GALNT14: variants seen among roughly 807,000 people sequenced by gnomAD.
GALNT14 encodes the protein polypeptide N-acetylgalactosaminyltransferase 14, also known as UDP-GalNAc:polypeptide N-acetylgalactosaminyltransferase 14.
In GALNT14, 60 loss-of-function variants were observed where a neutral mutation model predicts 77.5. That is an observed-to-expected ratio of 0.77 (90% CI 0.63 to 0.96). The LOEUF (loss-of-function observed/expected upper bound fraction) is 0.96, where lower values mean the gene tolerates loss of function less well. Ranked by LOEUF, GALNT14 falls within the 40% of genes least tolerant of loss-of-function variation. The pLI, the probability that GALNT14 is intolerant of heterozygous loss-of-function variation, is 0.00. For missense variants in GALNT14, 710 were observed against 731.0 expected, an observed-to-expected ratio of 0.97 and a Z score of 0.33; for synonymous variants, 280 against 281.7, an observed-to-expected ratio of 0.99 and a Z score of 0.06.
At chr2:30,982,985 T>C (rs138902583) in intron 2 of GALNT14, among the ~76,000 whole-genome samples, 4 of 152,268 alleles carry the variant, frequency 2.6e-5, no homozygotes, top group East Asian at 3.9e-4. Context: ...GTGTTCCCCA[T>C]AACACTGAGG....
At chr2:31,099,746 T>C (rs1677173411) in intron 1 of GALNT14, among the ~76,000 whole-genome samples, 1 of 152,060 alleles carries the variant, frequency 6.6e-6, no homozygotes, top group Admixed American at 6.6e-5. Context: ...TGGTTCCTTT[T>C]AACTATGTGT....
the GALNT14 span, among the ~76,000 whole-genome samples, chr2:30,893,734 C>T: frequency 6.6e-6 from 1 of 150,870 alleles, no homozygotes; most frequent in Non-Finnish European, 1.5e-5. Context: ...TAGGGGATTT[C>T]TATATGTAAG....
intron 2 of GALNT14, among the ~76,000 whole-genome samples, chr2:30,981,691 A>G (rs955455661): frequency 3.2e-4 from 49 of 152,172 alleles, no homozygotes; most frequent in African/African-American, 1.2e-3. Context: ...GGAGGGCTTC[A>G]TGTTTCTGGA....
chr2:31,108,504 A>T (rs1213194162), intron 1 of GALNT14, among the ~76,000 whole-genome samples: 2 of 152,152 alleles, frequency 1.3e-5, no homozygotes, highest in Non-Finnish European at 2.9e-5. Flanking sequence ...GGCAAACACA[A>T]GGGTTTGTTC....
intron 1 of GALNT14, among the ~76,000 whole-genome samples, chr2:31,128,045 A>G (rs1678782514): frequency 6.6e-6 from 1 of 152,296 alleles, no homozygotes; most frequent in African/African-American, 2.4e-5. Flanking sequence ...CCATGTCACA[A>G]AAACACCACC....
Position 31,138,393 on chromosome 2 carries a change from T to TGCCGCGGCCGCCGCCGCCGCC in GALNT14, c.-308_-307insGGCGGCGGCGGCGGCCGCGGC, listed in dbSNP as rs1679328501. The TGCCGCGGCCGCCGCCGCCGCC allele has an allele frequency of 5.9e-6, 2 of 337,754 alleles. No homozygotes were observed. The highest frequency in any genetic ancestry group is 4.4e-5 in the African/African-American group (2 of 45,060). The allele number at this position is 337,754 out of a possible 1,614,324, so 20.9% of individuals were successfully genotyped here. ...ATGTTCCCCACGCCGCCACCGCGGC[T>TGCCGCGGCCGCCGCCGCCGCC]GCCGCCGCCGCCGCCGCCGCCTTGC... On this transcript the variant is annotated 5_prime_UTR_variant, in exon 1 of 15. Transcript: ENST00000349752.
At chr2:31,128,909 C>A (rs979116016) in intron 1 of GALNT14, among the ~76,000 whole-genome samples, 2 of 151,776 alleles carry the variant, frequency 1.3e-5, no homozygotes, top group Non-Finnish European at 2.9e-5. Flanking sequence ...CAGAGACAAG[C>A]TCTGTATTTC....
rs771306230 is a variant in GALNT14, at chr2:30,924,830, G to A, written c.1152-7C>T. 3.1e-6 allele frequency: 5 copies of A among 1,612,466 alleles called. No homozygotes were observed. Among genetic ancestry groups the A allele is most frequent in the African/African-American group, 1.3e-5 (1 of 74,856 alleles). Reference sequence around the variant, plus strand: ...GTCCAATCTGCTCTCAACACTGGGGGCAACGGGGTTGTGGACAGACACAAA... The same window carrying A: ...GTCCAATCTGCTCTCAACACTGGGGACAACGGGGTTGTGGACAGACACAAA... On this transcript the variant is annotated splice_polypyrimidine_tract_variant and splice_region_variant and intron_variant, in intron 11 of 14. Coordinates refer to ENST00000349752, the MANE Select transcript of GALNT14 (RefSeq NM_024572.4).
At chr2:31,064,938 G>A (rs939115051) in intron 1 of GALNT14, among the ~76,000 whole-genome samples, 8 of 138,484 alleles carry the variant, frequency 5.8e-5, no homozygotes, top group East Asian at 2.2e-4. Context: ...AAAACTCTTC[G>A]CACGTTTAAA....
intron 13 of GALNT14, among the ~76,000 whole-genome samples, chr2:30,921,087 A>T (rs1212900951): frequency 1.3e-5 from 2 of 152,226 alleles, no homozygotes; most frequent in South Asian, 2.1e-4. Context: ...ACATGACAGG[A>T]AGGTCAGCTG....
chr2:30,980,971 G>C (rs1361028845), intron 2 of GALNT14, among the ~76,000 whole-genome samples: 1 of 152,224 alleles, frequency 6.6e-6, no homozygotes, highest in African/African-American at 2.4e-5. Flanking sequence ...TACTCAGGAG[G>C]CTGAGGCAGG....
intron 1 of GALNT14, among the ~76,000 whole-genome samples, chr2:31,038,811 T>A (rs1321921586): frequency 6.6e-6 from 1 of 151,220 alleles, no homozygotes. Flanking sequence ...AGTGGGGCAA[T>A]CTCGGCTCAC....
intron 1 of GALNT14, among the ~76,000 whole-genome samples, chr2:31,071,593 C>T (rs1675371118): frequency 6.6e-6 from 1 of 152,062 alleles, no homozygotes; most frequent in East Asian, 1.9e-4. Context: ...CACTGTGTGT[C>T]CCGGGCCTAC....
At chr2:31,008,381 A>T (rs1457157804) in intron 1 of GALNT14, among the ~76,000 whole-genome samples, 4 of 152,036 alleles carry the variant, frequency 2.6e-5, no homozygotes, top group Non-Finnish European at 4.4e-5. Flanking sequence ...ACAGGTATGA[A>T]CCACTGCACC....
chr2:31,079,568 G>T (rs1175984933), intron 1 of GALNT14, among the ~76,000 whole-genome samples: 1 of 152,132 alleles, frequency 6.6e-6, no homozygotes, highest in Admixed American at 6.5e-5. Flanking sequence ...TTTGCAAGTG[G>T]TTATGATTCT....
chr2:30,896,252 T>C, the GALNT14 span, among the ~76,000 whole-genome samples: 1 of 152,242 alleles, frequency 6.6e-6, no homozygotes, highest in Non-Finnish European at 1.5e-5. Context: ...GATGTAGAAC[T>C]ACTCAGTTTT....
At chr2:31,004,248 G>T (rs1670537948) in intron 1 of GALNT14, among the ~76,000 whole-genome samples, 4 of 152,210 alleles carry the variant, frequency 2.6e-5, no homozygotes, top group Admixed American at 2.6e-4. Flanking sequence ...GAGGCAGGGA[G>T]CCAGGTATCC....
intron 1 of GALNT14, among the ~76,000 whole-genome samples, chr2:31,132,359 C>T (rs1402606214): frequency 6.6e-6 from 1 of 152,170 alleles, no homozygotes; most frequent in African/African-American, 2.4e-5. Context: ...TTCTTGACTA[C>T]CTGGGATCCC....
At chr2:31,086,073 T>C (rs1676414429) in intron 1 of GALNT14, among the ~76,000 whole-genome samples, 2 of 152,164 alleles carry the variant, frequency 1.3e-5, no homozygotes. Flanking sequence ...TCCTATGACA[T>C]GTGGGGATTA....
Sources: allele counts gnomAD v4.1 joint callset (sites outside exome capture counted in the v4.1 genomes callset), GRCh38; gene constraint gnomAD v4.1.1; transcripts MANE v1.5; gene names NCBI Gene and HGNC (gene_info 2026-07-23, HGNC 2026-07-21).